The following CADPS variants were observed in gnomAD, a reference collection of about 807,000 sequenced individuals.
The protein encoded by CADPS is calcium dependent secretion activator.
Under a neutral mutation model 167.3 loss-of-function variants are expected in CADPS, and 57 were observed. The observed-to-expected ratio is 0.34, with a 90% confidence interval of 0.28 to 0.42. CADPS has a LOEUF of 0.42. CADPS is among the 20% of genes least tolerant of loss of function. The pLI is 1.00. For missense variants in CADPS, 1,414 were observed against 1,738.1 expected, an observed-to-expected ratio of 0.81 and a Z score of 3.32; for synonymous variants, 676 against 635.3, an observed-to-expected ratio of 1.06 and a Z score of -0.96.
At chr3:62,802,233 TGCAC>T (rs1329151909) in intron 1 of CADPS, among the ~76,000 whole-genome samples, 4 of 152,192 alleles carry the variant, frequency 2.6e-5, no homozygotes, top group Non-Finnish European at 5.9e-5. Flanking sequence ...TGCACACATG[TGCAC>T]ACACACAAAC....
At chr3:62,674,808 T>C (rs75642226) in intron 3 of CADPS, among the ~76,000 whole-genome samples, 7,661 of 152,328 alleles carry the variant, frequency 0.05, 257 homozygotes, top group East Asian at 0.1. Flanking sequence ...TTGGACTATA[T>C]AGATGCCTAC....
rs560194059 is a variant in CADPS, at chr3:62,458,552, G to A, written c.3636+6815C>T. ...CACCCAGGCTGGAGTGAAGTGGCAC[G>A]ATTTCAGCTCACTACAACCTCCGCC... On this transcript the variant is annotated intron_variant, in intron 26 of 29. Transcript: ENST00000383710. The surrounding 1 kb of genome is among the most constrained non-coding windows in gnomAD (Gnocchi z 4.6). Among the ~76,000 whole-genome samples, 4 of 152,086 alleles carry A rather than the reference G, an allele frequency of 2.6e-5. No homozygotes were observed. Among genetic ancestry groups the A allele is most frequent in the Admixed American group, 6.6e-5 (1 of 15,260 alleles).
chr3:62,498,081 G>A (rs1418313550), intron 18 of CADPS: 1 of 455,700 alleles, frequency 2.2e-6, no homozygotes, highest in Non-Finnish European at 4.4e-6. Flanking sequence ...TAGAAGACAT[G>A]GTACTGGAAG....
chr3:62,552,657 T>A (rs1228511846), intron 10 of CADPS, among the ~76,000 whole-genome samples: 1 of 152,180 alleles, frequency 6.6e-6, no homozygotes, highest in African/African-American at 2.4e-5. Context: ...CTGGTAACAT[T>A]AAGACTTCTT....
At chr3:62,408,929 G>A (rs1344947624) in intron 28 of CADPS, among the ~76,000 whole-genome samples, 3 of 152,176 alleles carry the variant, frequency 2.0e-5, no homozygotes, top group African/African-American at 7.2e-5. Context: ...TTTCAGCAAA[G>A]TACTATTTTG....
At chr3:62,743,954 C>T (rs2080885979) in intron 3 of CADPS, among the ~76,000 whole-genome samples, 1 of 152,130 alleles carries the variant, frequency 6.6e-6, no homozygotes, top group Admixed American at 6.6e-5. Context: ...AATAAACTTT[C>T]TACTTAATCT....
intron 28 of CADPS, among the ~76,000 whole-genome samples, chr3:62,428,131 C>T (rs1444053419): frequency 6.6e-6 from 1 of 152,076 alleles, no homozygotes; most frequent in Non-Finnish European, 1.5e-5. Flanking sequence ...ACTCTATTAA[C>T]TGGATTTTTA....
chr3:62,696,582 C>T (rs544101532), intron 3 of CADPS, among the ~76,000 whole-genome samples: 19 of 152,032 alleles, frequency 1.2e-4, no homozygotes, highest in Non-Finnish European at 2.6e-4. Context: ...CAACCTATTC[C>T]CTTTGTTTCC....
chr3:62,431,287 C>T (rs1314076393), intron 28 of CADPS, among the ~76,000 whole-genome samples: 1 of 152,156 alleles, frequency 6.6e-6, no homozygotes, highest in East Asian at 1.9e-4. Flanking sequence ...CTCTGATTTA[C>T]CCACCCAGCT....
Position 62,476,413 on chromosome 3 carries a change from T to G in CADPS, c.3329+1848A>C, listed in dbSNP as rs2061335984. ...TGCTCTTGTCTGCTTTTGGGCTGAT[T>G]TAAAAGGGACATCAGGAAATTTAAG... On this transcript the variant is annotated intron_variant, in intron 23 of 29. Transcript: ENST00000383710. Among the ~76,000 whole-genome samples the G allele has an allele frequency of 2.6e-5, 4 of 152,264 alleles. No homozygotes were observed. In the South Asian group the frequency reaches 8.3e-4, roughly 32 times the overall value.
chr3:62,631,107 AAT>A (rs2065190087), intron 6 of CADPS, among the ~76,000 whole-genome samples: 2 of 134,106 alleles, frequency 1.5e-5, no homozygotes, highest in African/African-American at 6.6e-5. Flanking sequence ...TTATCTGTAT[AAT>A]ACACACACAC....
At chr3:62,504,924 C>A (rs1483641004) in intron 17 of CADPS, among the ~76,000 whole-genome samples, 4 of 152,138 alleles carry the variant, frequency 2.6e-5, no homozygotes, top group African/African-American at 9.7e-5. Flanking sequence ...AATTGCCAGT[C>A]CCTGAAATAT....
intron 1 of CADPS, among the ~76,000 whole-genome samples, chr3:62,870,387 C>T (rs769323602): frequency 7.2e-5 from 11 of 152,212 alleles, no homozygotes; most frequent in African/African-American, 1.4e-4. Context: ...CACATACTTG[C>T]GCTCTCTCTC....
At chr3:62,624,274 T>C (rs115355411) in intron 6 of CADPS, among the ~76,000 whole-genome samples, 1 of 152,104 alleles carries the variant, frequency 6.6e-6, no homozygotes, top group Non-Finnish European at 1.5e-5. Context: ...ACTGCTTTGG[T>C]AGAATACAAT....
chr3:62,766,452 C>A (rs2086889741), intron 1 of CADPS, among the ~76,000 whole-genome samples: 1 of 151,852 alleles, frequency 6.6e-6, no homozygotes, highest in East Asian at 1.9e-4. Context: ...TTTTTTTTCC[C>A]CTCCTGAGAA....
At chr3:62,706,619 G>A (rs571394187) in intron 3 of CADPS, among the ~76,000 whole-genome samples, 1 of 152,244 alleles carries the variant, frequency 6.6e-6, no homozygotes, top group East Asian at 1.9e-4. Context: ...CCTCTCCCTA[G>A]CTTCTGATGC....
At chr3:62,418,487 ATT>A (rs5849477) in intron 28 of CADPS, among the ~76,000 whole-genome samples, 5,178 of 88,950 alleles carry the variant, frequency 0.058, 119 homozygotes, top group Middle Eastern at 0.078. Flanking sequence ...ACCATGCCCT[ATT>A]TTTTTTTTTT....
chr3:62,482,994 T>A (rs2062232269), intron 21 of CADPS, among the ~76,000 whole-genome samples: 1 of 151,966 alleles, frequency 6.6e-6, no homozygotes, highest in African/African-American at 2.4e-5. Flanking sequence ...TCAACTGTAT[T>A]TCTTTGGAAG....
chr3:62,474,157 T>TTTTTTTTTTTTTA lies in CADPS; in HGVS notation c.3477+15_3477+16insTAAAAAAAAAAAA. On this transcript the variant is annotated intron_variant, in intron 24 of 29. Transcript: ENST00000383710. ...AAGAGGGAAAAAAAAATCTGTATTTTTTTTTTTTTTTTTACCTCTTGGCCC... is the reference window on the plus strand; with the variant it reads ...AAGAGGGAAAAAAAAATCTGTATTTTTTTTTTTTTTTTATTTTTTTTTTTTTACCTCTTGGCCC... 1.5e-6 allele frequency: 2 copies of TTTTTTTTTTTTTA among 1,295,764 alleles called. No homozygotes were observed. The highest frequency in any genetic ancestry group is 2.0e-6 in the Non-Finnish European group (2 of 993,662). 80.3% of individuals were successfully genotyped at this position (1,295,764 alleles called of 1,614,324 possible).
Sources: gnomAD v4.1 joint callset for allele counts (sites outside exome capture counted in the v4.1 genomes callset) on GRCh38, gnomAD v4.1.1 for gene constraint, Gnocchi (gnomAD v3.1) non-coding constraint, MANE v1.5 for transcripts, NCBI Gene and HGNC (gene_info 2026-07-23, HGNC 2026-07-21) for gene names.